MCC: variants seen among roughly 807,000 people sequenced by gnomAD.
MCC encodes colorectal mutant cancer protein.
MCC carries 90 observed loss-of-function variants against 116.2 expected under a neutral mutation model. The ratio of observed to expected loss-of-function variants is 0.77; its 90% confidence interval spans 0.65 to 0.92. MCC has a LOEUF of 0.92. MCC is among the 40% of genes least tolerant of loss of function. The probability of loss-of-function intolerance (pLI) is 0.00; values close to 1 mark genes in which losing one functional copy is unlikely to be tolerated. For missense variants in MCC, 1,516 were observed against 1,312.2 expected (o/e 1.16, Z -2.40); for synonymous variants, 578 against 510.5 (o/e 1.13, Z -1.78).
At chr5:113,444,663 T>G (rs1019441593) in intron 1 of MCC, among the ~76,000 whole-genome samples, 1 of 152,222 alleles carries the variant, frequency 6.6e-6, no homozygotes, top group African/African-American at 2.4e-5. Context: ...TATTTCCTTT[T>G]CTTATTGTTG....
At chr5:113,102,345 G>A (rs1340540753) in intron 7 of MCC, among the ~76,000 whole-genome samples, 3 of 152,228 alleles carry the variant, frequency 2.0e-5, no homozygotes, top group African/African-American at 4.8e-5. Context: ...ACATGAGGTT[G>A]TAAACTGCAT....
chr5:113,257,491 G>A (rs888936235), intron 3 of MCC, among the ~76,000 whole-genome samples: 2 of 152,132 alleles, frequency 1.3e-5, no homozygotes, highest in African/African-American at 4.8e-5. Flanking sequence ...AATCTGATCA[G>A]GAACAGAGAG....
chr5:113,170,435 G>T (rs1455929471), intron 3 of MCC, among the ~76,000 whole-genome samples: 1 of 152,120 alleles, frequency 6.6e-6, no homozygotes, highest in Non-Finnish European at 1.5e-5. Flanking sequence ...TGAATGGTGA[G>T]AAGCTTGGAT....
intron 3 of MCC, among the ~76,000 whole-genome samples, chr5:113,324,877 G>C (rs575149386): frequency 7.1e-4 from 107 of 151,132 alleles, no homozygotes; most frequent in Admixed American, 5.3e-3. Flanking sequence ...CTGTCACCCA[G>C]GCTAGAGTGC....
At chr5:113,078,021 A>G (rs1355295948) in intron 11 of MCC, among the ~76,000 whole-genome samples, 1 of 152,220 alleles carries the variant, frequency 6.6e-6, no homozygotes, top group Non-Finnish European at 1.5e-5. Flanking sequence ...AGAATACCAT[A>G]AACACCTCTA....
intron 1 of MCC, among the ~76,000 whole-genome samples, chr5:113,387,527 G>A (rs1475034492): frequency 6.6e-6 from 1 of 152,108 alleles, no homozygotes; most frequent in Non-Finnish European, 1.5e-5. Flanking sequence ...TTCTTTTTTA[G>A]ATATTTAGAG....
intron 3 of MCC, among the ~76,000 whole-genome samples, chr5:113,254,017 T>C (rs942209885): frequency 9.9e-5 from 15 of 152,064 alleles, no homozygotes; most frequent in African/African-American, 3.6e-4. Flanking sequence ...AGTCTTCAGA[T>C]TGGAAGAGCC....
intron 2 of MCC, among the ~76,000 whole-genome samples, chr5:113,359,277 G>A (rs1404461166): frequency 6.6e-6 from 1 of 152,140 alleles, no homozygotes; most frequent in Non-Finnish European, 1.5e-5. Context: ...CAAGACTGTT[G>A]ACAGGTGCTA....
intron 3 of MCC, among the ~76,000 whole-genome samples, chr5:113,182,545 A>G (rs1761681915): frequency 1.3e-5 from 2 of 152,124 alleles, no homozygotes; most frequent in South Asian, 2.1e-4. Flanking sequence ...GCACTGAGCC[A>G]ATATCGTACC....
chr5:113,138,881 C>T (rs1759008505), intron 5 of MCC, among the ~76,000 whole-genome samples: 1 of 152,160 alleles, frequency 6.6e-6, no homozygotes, highest in African/African-American at 2.4e-5. Flanking sequence ...ATTGATACAT[C>T]TTCCCCTTCA....
rs533095178 is a variant in MCC, at chr5:113,439,071, GGTCAAA to G, written c.170+49168_170+49173del. ...GGACACCAGGAACATAACAATGCAGGGTCAAAGTCTGAGCTAAGGAAACAAATTTTG... is the reference window on the plus strand; with the variant it reads ...GGACACCAGGAACATAACAATGCAGGGTCTGAGCTAAGGAAACAAATTTTG... On this transcript the variant is annotated intron_variant, in intron 1 of 18. Transcript: ENST00000408903. 1.4e-3 allele frequency among the ~76,000 whole-genome samples: 208 copies of G among 152,254 alleles called. 4 individuals carry two copies. The South Asian group carries it at 0.04, about 29-fold the overall frequency.
At chr5:113,215,410 T>C (rs376807798) in intron 3 of MCC, among the ~76,000 whole-genome samples, 2 of 152,188 alleles carry the variant, frequency 1.3e-5, no homozygotes, top group East Asian at 3.9e-4. Flanking sequence ...TGGCTATGGT[T>C]TGAATACTGC....
chr5:113,416,727 A>G (rs1415681118), intron 1 of MCC, among the ~76,000 whole-genome samples: 1 of 152,154 alleles, frequency 6.6e-6, no homozygotes, highest in African/African-American at 2.4e-5. Context: ...TATACTTTCC[A>G]TTTTAAATAA....
At chr5:113,310,196 G>C (rs1767103847) in intron 3 of MCC, among the ~76,000 whole-genome samples, 1 of 152,180 alleles carries the variant, frequency 6.6e-6, no homozygotes, top group Non-Finnish European at 1.5e-5. Context: ...GTGGCCTTTG[G>C]GAAGGCTCCA....
intron 8 of MCC, among the ~76,000 whole-genome samples, chr5:113,091,912 C>A (rs1755674540): frequency 6.6e-6 from 1 of 150,654 alleles, no homozygotes; most frequent in Non-Finnish European, 1.5e-5. Flanking sequence ...ACCACACAAA[C>A]ACACACACAC....
intron 3 of MCC, among the ~76,000 whole-genome samples, chr5:113,192,769 A>G (rs1438186102): frequency 6.6e-6 from 1 of 152,262 alleles, no homozygotes; most frequent in Non-Finnish European, 1.5e-5. Context: ...AGGTTTATCA[A>G]CTAAGAGATG....
intron 2 of MCC, among the ~76,000 whole-genome samples, chr5:113,381,795 T>C (rs1769130261): frequency 1.3e-5 from 2 of 151,710 alleles, no homozygotes. Context: ...CTCAAATAAA[T>C]AAATAAATAA....
At chr5:113,242,340 A>T (rs751851742) in intron 3 of MCC, among the ~76,000 whole-genome samples, 38 of 152,206 alleles carry the variant, frequency 2.5e-4, no homozygotes, top group Non-Finnish European at 4.1e-4. Flanking sequence ...TATAATTCTC[A>T]AACTTCTGGA....
Position 113,027,239 on chromosome 5 carries a change from C to G in MCC, c.*63G>C. ...CCTCCCAACAAGTACATGGGCCCTT[C>G]TGTCCCCAGTGGCCTGCTGCAGTTT... On this transcript the variant is annotated 3_prime_UTR_variant, in exon 19 of 19. Transcript: ENST00000408903. 1 of 1,557,900 alleles carries G rather than the reference C, an allele frequency of 6.4e-7. No individual in the cohort carries two copies. The highest frequency in any genetic ancestry group is 8.8e-7 in the Non-Finnish European group (1 of 1,142,498).
Sources: gnomAD v4.1 joint callset for allele counts (sites outside exome capture counted in the v4.1 genomes callset) on GRCh38, gnomAD v4.1.1 for gene constraint, MANE v1.5 for transcripts, NCBI Gene and HGNC (gene_info 2026-07-23, HGNC 2026-07-21) for gene names.